LDLRAD4: variants seen among roughly 807,000 people sequenced by gnomAD.
The protein encoded by LDLRAD4 is low-density lipoprotein receptor class A domain-containing protein 4.
A neutral mutation model predicts 17.0 loss-of-function variants in LDLRAD4; 5 were observed. The ratio of observed to expected loss-of-function variants is 0.29; its 90% CI spans 0.15 to 0.62. The LOEUF (loss-of-function observed/expected upper bound fraction) is 0.62, where lower values mean the gene tolerates loss of function less well. LDLRAD4 is among the 20% of genes least tolerant of loss of function. The pLI is 0.84. For missense variants in LDLRAD4, 340 were observed against 424.7 expected (o/e 0.80, Z 1.75); for synonymous variants, 168 against 171.8 (o/e 0.98, Z 0.17).
intron 3 of LDLRAD4, among the ~76,000 whole-genome samples, chr18:13,541,388 G>C (rs1318737758): frequency 6.6e-6 from 1 of 152,190 alleles, no homozygotes; most frequent in Non-Finnish European, 1.5e-5. Flanking sequence ...ACTCTATACT[G>C]TTCAGTGGAA....
intron 1 of LDLRAD4, among the ~76,000 whole-genome samples, chr18:13,325,565 C>T (rs975975693): frequency 4.6e-5 from 7 of 152,146 alleles, no homozygotes; most frequent in African/African-American, 1.7e-4. Context: ...TCCTTGCTTC[C>T]TGTGGACTCC....
intron 3 of LDLRAD4, among the ~76,000 whole-genome samples, chr18:13,553,599 G>A (rs1004870513): frequency 3.3e-5 from 5 of 152,138 alleles, no homozygotes; most frequent in African/African-American, 1.2e-4. Flanking sequence ...CCGAGAACAG[G>A]GAGTGATTCC....
chr18:13,364,977 C>T (rs144208967), intron 1 of LDLRAD4, among the ~76,000 whole-genome samples: 81 of 152,270 alleles, frequency 5.3e-4, no homozygotes, highest in African/African-American at 1.7e-3. Flanking sequence ...AGACAAGACA[C>T]ACCATGAAAG....
intron 1 of LDLRAD4, among the ~76,000 whole-genome samples, chr18:13,317,889 GA>G (rs1276471841): frequency 1.3e-5 from 2 of 151,996 alleles, no homozygotes; most frequent in African/African-American, 4.8e-5. Context: ...AGCCATTTAA[GA>G]AAAAATTTTT....
At chr18:13,455,006 A>G (rs899278277) in intron 3 of LDLRAD4, among the ~76,000 whole-genome samples, 2 of 152,238 alleles carry the variant, frequency 1.3e-5, no homozygotes, top group Admixed American at 6.5e-5. Flanking sequence ...CCCTGCAAAC[A>G]TGTCACTGAG....
chr18:13,485,011 C>T (rs181590714), intron 3 of LDLRAD4, among the ~76,000 whole-genome samples: 6 of 152,328 alleles, frequency 3.9e-5, no homozygotes, highest in South Asian at 2.1e-4. Context: ...AGCTCTATCA[C>T]GACACCGTCT....
At chr18:13,459,371 G>A in intron 3 of LDLRAD4, among the ~76,000 whole-genome samples, 1 of 148,188 alleles carries the variant, frequency 6.7e-6, no homozygotes, top group African/African-American at 2.5e-5. Context: ...AACATTTGGT[G>A]TTTTTTTTTT....
intron 3 of LDLRAD4, among the ~76,000 whole-genome samples, chr18:13,601,483 G>A (rs2155671): frequency 0.079 from 12,018 of 151,932 alleles, 712 homozygotes; most frequent in Non-Finnish European, 0.12. Context: ...AGATATTGAC[G>A]AGGCTGCAGA....
intron 1 of LDLRAD4, among the ~76,000 whole-genome samples, chr18:13,357,657 T>C (rs2083428107): frequency 6.6e-6 from 1 of 152,178 alleles, no homozygotes; most frequent in Middle Eastern, 3.2e-3. Context: ...CCATATTTCT[T>C]TTAATATTGT....
chr18:13,450,337 C>CCCCA (rs367571092), intron 3 of LDLRAD4, among the ~76,000 whole-genome samples: 4,258 of 115,056 alleles, frequency 0.037, 287 homozygotes, highest in Non-Finnish European at 0.057. Flanking sequence ...CCCCCCCCCC[C>CCCCA]AAAAAAACAC....
intron 2 of LDLRAD4, among the ~76,000 whole-genome samples, chr18:13,422,672 T>G (rs11877161): frequency 6.6e-6 from 1 of 152,180 alleles, no homozygotes; most frequent in Non-Finnish European, 1.5e-5. Context: ...CACTCCAGCC[T>G]GGGTGGCAGA....
Position 13,298,879 on chromosome 18 carries a change from C to T in LDLRAD4, c.-383+20691C>T, listed in dbSNP as rs535743395. Among the ~76,000 whole-genome samples the T allele has an allele frequency of 2.4e-4, 36 of 152,320 alleles. 1 individual carries two copies. The highest frequency in any genetic ancestry group is 5.1e-4 in the African/African-American group (21 of 41,572). On this transcript the variant is annotated intron_variant, in intron 1 of 5. Coordinates refer to ENST00000359446, the Ensembl canonical transcript of LDLRAD4. ...GGAAAGCAGGCATCCATACGTCATG[C>T]GTAGTCTGACCATGTGGGCTTGTCC...
intron 3 of LDLRAD4, among the ~76,000 whole-genome samples, chr18:13,602,585 G>A (rs925191340): frequency 2.2e-5 from 3 of 136,496 alleles, no homozygotes; most frequent in Admixed American, 1.7e-4. Context: ...TGCAACCTCC[G>A]CCTCCCGGGT....
intron 1 of LDLRAD4, among the ~76,000 whole-genome samples, chr18:13,301,298 C>T (rs1342891654): frequency 1.3e-5 from 2 of 152,172 alleles, no homozygotes; most frequent in Admixed American, 1.3e-4. Flanking sequence ...CTCCAGTCAG[C>T]GCAGAGTAAC....
intron 1 of LDLRAD4, among the ~76,000 whole-genome samples, chr18:13,223,035 A>G (rs1293876133): frequency 1.3e-5 from 2 of 152,316 alleles, no homozygotes; most frequent in East Asian, 1.9e-4. Context: ...CATCTGGGCA[A>G]TTTGGAAGCT....
At chr18:13,337,107 A>G (rs982307077) in intron 1 of LDLRAD4, among the ~76,000 whole-genome samples, 7 of 152,178 alleles carry the variant, frequency 4.6e-5, no homozygotes, top group African/African-American at 9.7e-5. Context: ...TCTCTGATGC[A>G]CTAGAGAGAG....
chr18:13,459,862 C>G (rs1454612844), intron 3 of LDLRAD4: 2 of 151,366 alleles, frequency 1.3e-5, no homozygotes, highest in Non-Finnish European at 3.0e-5. Flanking sequence ...ATATTTACAT[C>G]AGCAGCAAGT....
chr18:13,241,789 A>T (rs1474417464), intron 1 of LDLRAD4: 2 of 152,284 alleles, frequency 1.3e-5, no homozygotes, highest in East Asian at 3.8e-4. Flanking sequence ...TCACAGGGAC[A>T]TGCGTGAAAT....
rs112843230 is a variant in LDLRAD4 at position 13,435,013 on chromosome 18, G to A, written c.41-3231G>A. ...TCTGACCCCAGCAGTGCTGAAAGAC[G>A]TCCAGGTGATCCCAATATGCAGCTA... On this transcript the variant is annotated intron_variant, in intron 2 of 5. Transcript: ENST00000359446. Among the ~76,000 whole-genome samples the A allele has an allele frequency of 5.3e-3, 806 of 152,326 alleles. 1 individual carries two copies. Among genetic ancestry groups the A allele is most frequent in the Non-Finnish European group, 8.5e-3 (578 of 68,022 alleles).
Sources: allele counts gnomAD v4.1 joint callset (sites outside exome capture counted in the v4.1 genomes callset), GRCh38; gene constraint gnomAD v4.1.1; transcripts MANE v1.5; gene names NCBI Gene and HGNC (gene_info 2026-07-23, HGNC 2026-07-21).